Variants in NOL6 observed in about 807,000 individuals in gnomAD.
NOL6 encodes nucleolar RNA-associated protein.
Under a neutral mutation model 131.7 loss-of-function variants are expected in NOL6, and 33 were observed. The ratio of observed to expected loss-of-function variants is 0.25; its 90% CI spans 0.19 to 0.33. The LOEUF (loss-of-function observed/expected upper bound fraction) is 0.33. Among genes scored for constraint, NOL6 ranks in the 10% least tolerant of loss-of-function variants. NOL6 has a pLI of 1.00. For missense variants in NOL6, 1,297 were observed against 1,494.5 expected (o/e 0.87, Z 2.18); for synonymous variants, 580 against 605.7 (o/e 0.96, Z 0.62).
intron 3 of NOL6, 140 bp downstream of exon 3, chr9:33,471,864 C>T: frequency 2.8e-6 from 2 of 708,434 alleles, no homozygotes; most frequent in East Asian, 2.5e-5. Flanking sequence ...AATGACCACG[C>T]TCCCAGCTAA....
Position 33,465,348 on chromosome 9 carries a change from T to C in NOL6, c.2540A>G (p.Gln847Arg). Reference protein sequence around the residue: ...LTSALHGLQQQHPAFSGVARL... With the variant: ...LTSALHGLQQRHPAFSGVARL... ...TGCCACACCAGAGAAGGCTGGGTGC[T>C]GCTGCTGCAGTCTGCAGAGAGAAGG... The change falls in exon 20 of 26, where the codon CAG becomes CGG. Residue 847 changes from glutamine to arginine, a missense_variant. Physicochemically the swap from Gln to Arg is conservative, Grantham distance 43. Transcript: ENST00000297990. 1 of 1,588,862 alleles carries C rather than the reference T, an allele frequency of 6.3e-7. No homozygotes were observed. The highest frequency in any genetic ancestry group is 2.3e-5 in the East Asian group (1 of 43,776).
At chr9:33,472,817 A>G in intron 1 of NOL6, 1 of 266,482 alleles carries the variant, frequency 3.8e-6, no homozygotes, top group Non-Finnish European at 7.4e-6. Context: ...TATTAAAAAT[A>G]CAAAAATTAG....
At position 33,466,462 on chromosome 9, in the gene NOL6, C is replaced by T. The variant is rs770929506; in HGVS notation, c.2092-37G>A. ...GAGGGGCTGAGGAATGGGCCTAGGA[C>T]TGGGAGGGAGTGCCCAGAGTCAGGA... On this transcript the variant is annotated intron_variant, in intron 16 of 25. Transcript: ENST00000297990. 5 of 1,612,648 alleles carry T rather than the reference C, an allele frequency of 3.1e-6. No individual in the cohort carries two copies. The South Asian group carries it at 4.4e-5, about 14-fold the overall frequency.
chr9:33,466,781 C>T (rs1827256479), intron 15 of NOL6, 72 bp from the exon 16 acceptor site: 2 of 1,589,724 alleles, frequency 1.3e-6, no homozygotes, highest in Non-Finnish European at 1.7e-6. Context: ...TGCCCCAGCT[C>T]AGGCTGCAGC....
chr9:33,463,847 C>G lies in NOL6; in HGVS notation c.2978G>C (p.Gly993Ala). The change falls in exon 23 of 26, where the codon GGA (glycine) becomes GCA (alanine). Residue 993 changes from glycine to alanine, a missense_variant. Coordinates refer to ENST00000297990, the MANE Select transcript of NOL6 (RefSeq NM_022917.5). ...MLEKQLMDPRGPGDIRTVFRP... is the reference protein window; with the variant it reads ...MLEKQLMDPRAPGDIRTVFRP... ...GAAGCTTACCCTGATGTCCCCAGGT[C>G]CCCGGGGATCCATGAGCTGCTTCTC... is the stretch of plus-strand genomic sequence containing the variant. 6.2e-7 allele frequency: 1 copy of G among 1,614,084 alleles called. No homozygotes were observed. Among genetic ancestry groups the G allele is most frequent in the South Asian group, 1.1e-5 (1 of 91,084 alleles).
At chr9:33,465,706 C>G (rs1309854264) in intron 19 of NOL6, 28 bp downstream of exon 19, 5 of 1,601,094 alleles carry the variant, frequency 3.1e-6, no homozygotes, top group Non-Finnish European at 4.3e-6. Context: ...GGCCTACAGA[C>G]AGGAAGAAGC....
At chr9:33,465,121 T>G in intron 20 of NOL6, 86 bp downstream of exon 20, 2 of 1,512,176 alleles carry the variant, frequency 1.3e-6, no homozygotes, top group Non-Finnish European at 1.8e-6. Context: ...AACCACCCAT[T>G]CCCATGTAGA....
intron 3 of NOL6, 153 bp from the exon 4 acceptor site, chr9:33,470,344 T>C: frequency 1.6e-6 from 1 of 640,166 alleles, no homozygotes; most frequent in Non-Finnish European, 2.4e-6. Context: ...CAACTCCATA[T>C]GAGTTGCTCA....
chr9:33,463,062 G>T lies in NOL6; in HGVS notation c.3262C>A (p.Pro1088Thr). The T allele has an allele frequency of 6.2e-7, 1 of 1,613,844 alleles. No individual in the cohort carries two copies. Residue 1088 changes from proline to threonine, a missense_variant, in exon 25 of 26, where the codon CCC (proline) becomes ACC (threonine). Coordinates refer to ENST00000297990, the MANE Select transcript of NOL6 (RefSeq NM_022917.5). ...AAGGGCTGCGGCTGGAAGCTGGTGG[G>T]CTTCCAGAGGACACCAATCACCTCT... ...GGEVIGVLWKPTSFQPQPFKA... is the reference protein window; with the variant it reads ...GGEVIGVLWKTTSFQPQPFKA...
chr9:33,463,515 C>A (rs1281072191), intron 23 of NOL6, 74 bp from the exon 24 acceptor site: 2 of 1,373,910 alleles, frequency 1.5e-6, no homozygotes, highest in Non-Finnish European at 9.9e-7. Flanking sequence ...TCTCCACACG[C>A]CCACCTTGGT....
chr9:33,473,836 G>T lies in NOL6; in HGVS notation c.7C>A (p.Pro3Thr). ...CGAAGCTGCTCTCCAGCTGGCGCCG[G>T]CCCCATCACTCAGGGTCCAGCACTC... MGPAPAGEQLRGA... is the reference protein window; with the variant it reads MGTAPAGEQLRGA... Residue 3 changes from proline to threonine, a missense_variant, in exon 1 of 26, where the codon CCG (proline) becomes ACG (threonine). Physicochemically the swap from Pro to Thr is conservative, Grantham distance 38. Transcript: ENST00000297990. 1 of 1,610,962 alleles carries T rather than the reference G, an allele frequency of 6.2e-7. No homozygotes were observed. The highest frequency in any genetic ancestry group is 1.1e-5 in the South Asian group (1 of 91,084).
chr9:33,465,673 T>G (rs1587217234), intron 19 of NOL6, 61 bp downstream of exon 19: 1 of 1,542,006 alleles, frequency 6.5e-7, no homozygotes, highest in South Asian at 1.2e-5. Flanking sequence ...GGTGGCTAGG[T>G]GAGGAGAATG....
intron 23 of NOL6, 148 bp from the exon 24 acceptor site, chr9:33,463,589 G>A: frequency 1.2e-6 from 1 of 805,646 alleles, no homozygotes; most frequent in Non-Finnish European, 2.0e-6. Context: ...GAAGCACCAA[G>A]ACCCACAGAG....
chr9:33,466,397 G>A lies in NOL6; in HGVS notation c.2120C>T (p.Ala707Val). ...CCGCAGAGTCTCATAGAAGGAGAAG[G>A]CTGGACGGACTGGAGTTGGTGGGAA... is the stretch of plus-strand genomic sequence containing the variant. ...EVFPPTPVRP[A>V]FSFYETLRER... The change falls in exon 17 of 26, where the codon GCC becomes GTC. Residue 707 changes from alanine to valine, a missense_variant. Ala to Val is a moderately conservative substitution (Grantham distance 64, BLOSUM62 0). Coordinates refer to ENST00000297990, the MANE Select transcript of NOL6 (RefSeq NM_022917.5). The A allele has an allele frequency of 6.2e-7, 1 of 1,614,238 alleles. No homozygotes were observed. Among genetic ancestry groups the A allele is most frequent in the Non-Finnish European group, 8.5e-7 (1 of 1,180,040 alleles).
rs748913502 is a variant in NOL6, at chr9:33,461,884, C to G, written c.*780G>C. 1.9e-4 allele frequency: 75 copies of G among 395,316 alleles called. No individual in the cohort carries two copies. The highest frequency in any genetic ancestry group is 3.1e-4 in the Non-Finnish European group (66 of 215,114). 24.5% of individuals were successfully genotyped at this position (395,316 alleles called of 1,614,324 possible). On this transcript the variant is annotated 3_prime_UTR_variant, in exon 26 of 26. Transcript: ENST00000297990. The stretch of plus-strand genomic sequence containing the variant: ...CCTGGGGAGTAAGACTTGAGTCTCC[C>G]CCATCTCTGCAACCCCACTGCAGGT...
chr9:33,469,019 T>C lies in NOL6; in HGVS notation c.965A>G (p.Gln322Arg). 1 of 1,614,208 alleles carries C rather than the reference T, an allele frequency of 6.2e-7. No individual in the cohort carries two copies. The highest frequency in any genetic ancestry group is 8.5e-7 in the Non-Finnish European group (1 of 1,180,028). Residue 322 changes from glutamine to arginine, a missense_variant, in exon 7 of 26, where the codon CAG becomes CGG. Gln to Arg is a conservative substitution (Grantham distance 43). Transcript: ENST00000297990. ...AAGTGCCACGCCATCCTTCAGGCCC[T>C]GGGCTGAACTCAGAATGGTTGACAG... ...QLLSTILSSA[Q>R]GLKDGVALLK...
At position 33,463,745 on chromosome 9, in the gene NOL6, C is replaced by T. The variant is rs1446161805; in HGVS notation, c.2994+86G>A. ...GTTCAGTCTCACCAAACAAGGGGAC[C>T]GGGTCTCCTGTGAGATCCCTGAACG... On this transcript the variant is annotated intron_variant, in intron 23 of 25. Transcript: ENST00000297990. 14 of 1,393,496 alleles carry T rather than the reference C, an allele frequency of 1.0e-5. No individual in the cohort carries two copies. The East Asian group carries it at 1.4e-4, about 14-fold the overall frequency. The allele number at this position is 1,393,496 out of a possible 1,614,324, so 86.3% of individuals were successfully genotyped here.
intron 21 of NOL6, among the ~76,000 whole-genome samples, chr9:33,464,532 T>C (rs964941599): frequency 1.3e-5 from 2 of 151,946 alleles, no homozygotes; most frequent in African/African-American, 4.8e-5. Flanking sequence ...CAACCAGAAA[T>C]CACCACTCCC....
At chr9:33,465,652 CTGG>C in intron 19 of NOL6, 79 bp downstream of exon 19, 2 of 1,453,590 alleles carry the variant, frequency 1.4e-6, no homozygotes, top group South Asian at 2.6e-5. Context: ...CATCTGGCCC[CTGG>C]AGAGACAGGT....
Sources: gnomAD v4.1 joint callset for allele counts (sites outside exome capture counted in the v4.1 genomes callset) on GRCh38, gnomAD v4.1.1 for gene constraint, MANE v1.5 for transcripts, NCBI Gene and HGNC (gene_info 2026-07-23, HGNC 2026-07-21) for gene names.